Variants in OCSTAMP observed in about 807,000 individuals in gnomAD.
OCSTAMP encodes the protein osteoclast stimulatory transmembrane protein, also known as transmembrane protein C20orf123.
In OCSTAMP, 17 loss-of-function variants were observed where a neutral mutation model predicts 25.2. The observed-to-expected ratio is 0.68, with a 90% CI of 0.46 to 1.01. OCSTAMP has a LOEUF of 1.01. OCSTAMP is among the 50% of genes least tolerant of loss of function. The probability of loss-of-function intolerance (pLI) is 0.00; values close to 1 mark genes in which losing one functional copy is unlikely to be tolerated. For synonymous variants in OCSTAMP, 345 were observed against 318.9 expected (o/e 1.08, Z -0.87); for missense variants, 664 against 694.6 (o/e 0.96, Z 0.50).
chr20:46,541,132 C>T lies in OCSTAMP; in HGVS notation c.*142G>A, dbSNP rs2061831943. 1.8e-5 allele frequency: 11 copies of T among 605,798 alleles called. No individual in the cohort carries two copies. Among genetic ancestry groups the T allele is most frequent in the South Asian group, 1.0e-4 (5 of 47,620 alleles). The allele number at this position is 605,798 out of a possible 1,614,324, so 37.5% of individuals were successfully genotyped here. On this transcript the variant is annotated 3_prime_UTR_variant, in exon 3 of 3. Coordinates refer to ENST00000279028, the MANE Select transcript of OCSTAMP (RefSeq NM_080721.3). ...ATATAAATAAGTTCCAGGAGCATTT[C>T]GAGAAATTCATGATGCAAGGTCTCC...
chr20:46,543,247 T>C (rs917432767), intron 2 of OCSTAMP, among the ~76,000 whole-genome samples: 1 of 151,524 alleles, frequency 6.6e-6, no homozygotes, highest in Admixed American at 6.6e-5. Context: ...TTTCTTTCTT[T>C]CTTTCTTTCC....
rs750777938 is a variant in OCSTAMP at position 46,541,588 on chromosome 20, G to A, written c.1387C>T (p.Leu463=). Reference sequence around the variant, plus strand: ...GTGGGGACGCAAGAAGGATCCCCTAGGGGCAGCTGCTGGCCTTGGTGCCTG... The same window carrying A: ...GTGGGGACGCAAGAAGGATCCCCTAAGGGCAGCTGCTGGCCTTGGTGCCTG... ...HDRHQGQQLP[L]GDPSCVPTPR... The change falls in exon 3 of 3, where the codon CTA becomes TTA. Residue 463 remains leucine, a synonymous_variant. Coordinates refer to ENST00000279028, the MANE Select transcript of OCSTAMP (RefSeq NM_080721.3). 169 of 1,551,532 alleles carry A rather than the reference G, an allele frequency of 1.1e-4. No homozygotes were observed. The highest frequency in any genetic ancestry group is 1.4e-4 in the Non-Finnish European group (158 of 1,146,984).
At chr20:46,550,076 A>G (rs2061866029) in intron 1 of OCSTAMP, among the ~76,000 whole-genome samples, 1 of 152,160 alleles carries the variant, frequency 6.6e-6, no homozygotes, top group Non-Finnish European at 1.5e-5. Flanking sequence ...TCCCGAAGGC[A>G]TTTGAATTTG....
At chr20:46,549,313 G>A (rs2061862872) in intron 1 of OCSTAMP, among the ~76,000 whole-genome samples, 1 of 152,224 alleles carries the variant, frequency 6.6e-6, no homozygotes, top group Non-Finnish European at 1.5e-5. Context: ...TGTCAACGAT[G>A]TAAATGTTTC....
chr20:46,545,247 T>C (rs2061847309), intron 2 of OCSTAMP, 80 bp downstream of exon 2: 1 of 1,373,366 alleles, frequency 7.3e-7, no homozygotes, highest in Non-Finnish European at 9.5e-7. Context: ...TCAAATTTCA[T>C]CACAAGTCAA....
At chr20:46,548,725 C>T (rs2061860812) in intron 1 of OCSTAMP, among the ~76,000 whole-genome samples, 1 of 152,152 alleles carries the variant, frequency 6.6e-6, no homozygotes, top group Non-Finnish European at 1.5e-5. Context: ...GTGTTGGTTA[C>T]AGGCAAAGCT....
intron 1 of OCSTAMP, 121 bp downstream of exon 1, chr20:46,550,396 T>C: frequency 1.3e-6 from 1 of 776,700 alleles, no homozygotes; most frequent in Non-Finnish European, 2.1e-6. Flanking sequence ...AACTGAGGAT[T>C]TGCCTAAGGT....
At position 46,545,432 on chromosome 20, in the gene OCSTAMP, A is replaced by T; in HGVS notation, c.942T>A (p.Ala314=). Residue 314 remains alanine, a synonymous_variant, in exon 2 of 3, where the codon GCT becomes GCA. Coordinates refer to ENST00000279028, the MANE Select transcript of OCSTAMP (RefSeq NM_080721.3). ...CTACATGGTCTGTGGCCACCGCCAC[A>T]GCCGTGGCCACGAGGAGCAGGGCAA... ...GLLALLLVAT[A]VAVATDHVAF... 1 of 1,550,684 alleles carries T rather than the reference A, an allele frequency of 6.4e-7. No individual in the cohort carries two copies. The highest frequency in any genetic ancestry group is 8.7e-7 in the Non-Finnish European group (1 of 1,146,590).
chr20:46,548,778 G>A (rs1221038734), intron 1 of OCSTAMP, among the ~76,000 whole-genome samples: 1 of 152,206 alleles, frequency 6.6e-6, no homozygotes, highest in East Asian at 1.9e-4. Flanking sequence ...ATAAGCATGT[G>A]ACTGGGTCTA....
rs1404297309 is a variant in OCSTAMP, at chr20:46,545,886, G to A, written c.488C>T (p.Thr163Ile). ...TEGSLESLLN[T>I]THQLHAASRA... ...GGATGCTGCATGCAGCTGGTGAGTG[G>A]TATTGAGGAGACTCTCCAGGGAGCC... Residue 163 changes from threonine to isoleucine, a missense_variant, in exon 2 of 3, where the codon ACC becomes ATC. Transcript: ENST00000279028. The A allele has an allele frequency of 1.3e-6, 2 of 1,551,354 alleles. No homozygotes were observed. The highest frequency in any genetic ancestry group is 2.0e-5 in the Admixed American group (1 of 51,010).
intron 2 of OCSTAMP, among the ~76,000 whole-genome samples, chr20:46,544,050 A>T (rs1230621957): frequency 6.6e-6 from 1 of 152,202 alleles, no homozygotes; most frequent in East Asian, 1.9e-4. Context: ...CTCTAAAAAA[A>T]ATATTAAAAA....
In OCSTAMP at chr20:46,545,525, C is replaced by CA; in HGVS notation, c.848dup (p.Leu284AlafsTer66). 1.3e-6 allele frequency: 2 copies of CA among 1,551,286 alleles called. No homozygotes were observed. Among genetic ancestry groups the CA allele is most frequent in the South Asian group, 2.4e-5 (2 of 83,994 alleles). On this transcript the variant is annotated frameshift_variant, in exon 2 of 3. Coordinates refer to ENST00000279028, the MANE Select transcript of OCSTAMP (RefSeq NM_080721.3). LOFTEE classifies it high-confidence loss of function. ...ACAGCCTCAGCTGAGCCGCCTGGAG[C>CA]AGCCAGGTGGGTGGAGGGGCCAGGA...
intron 1 of OCSTAMP, among the ~76,000 whole-genome samples, 195 bp from the exon 2 acceptor site, chr20:46,546,524 G>A (rs926240255): frequency 3.9e-5 from 6 of 152,196 alleles, no homozygotes; most frequent in African/African-American, 1.2e-4. Flanking sequence ...GCCTTCCCCA[G>A]GATTACTCTC....
intron 2 of OCSTAMP, 80 bp downstream of exon 2, chr20:46,545,247 T>A: frequency 7.3e-7 from 1 of 1,373,364 alleles, no homozygotes; most frequent in Non-Finnish European, 9.5e-7. Context: ...TCAAATTTCA[T>A]CACAAGTCAA....
chr20:46,546,945 A>C (rs2061855170), intron 1 of OCSTAMP, among the ~76,000 whole-genome samples: 1 of 152,228 alleles, frequency 6.6e-6, no homozygotes. Flanking sequence ...AATGAAAAAA[A>C]CAGAAGTCCC....
At chr20:46,547,453 C>T (rs202397) in intron 1 of OCSTAMP, among the ~76,000 whole-genome samples, 101,568 of 151,992 alleles carry the variant, frequency 0.67, 34,238 homozygotes, top group East Asian at 0.92. Context: ...TGCCTCAAGG[C>T]GCTCCAAGGT....
chr20:46,541,692 G>C lies in OCSTAMP; in HGVS notation c.1283C>G (p.Ala428Gly). 4 of 1,549,632 alleles carry C rather than the reference G, an allele frequency of 2.6e-6. No individual in the cohort carries two copies. The highest frequency in any genetic ancestry group is 3.5e-6 in the Non-Finnish European group (4 of 1,146,866). Residue 428 changes from alanine (A) to glycine (G), a missense_variant, in exon 3 of 3, where the codon GCC (alanine) becomes GGC (glycine). Ala to Gly is a moderately conservative substitution (Grantham distance 60). Coordinates refer to ENST00000279028, the MANE Select transcript of OCSTAMP (RefSeq NM_080721.3). ...LEAYARRLRH[A>G]IAASFFTAQE... ...GGCTGTGAAGAAGGAAGCGGCGATGGCATGCCGCAGGCGGCGGGCGTAGGC... is the reference window on the plus strand; with the variant it reads ...GGCTGTGAAGAAGGAAGCGGCGATGCCATGCCGCAGGCGGCGGGCGTAGGC...
chr20:46,543,225 CCTTT>C (rs1483925451), intron 2 of OCSTAMP, among the ~76,000 whole-genome samples: 9 of 147,710 alleles, frequency 6.1e-5, no homozygotes, highest in Non-Finnish European at 8.9e-5. Context: ...TTCCTTCCTT[CCTTT>C]CTTTTTCTTT....
chr20:46,543,849 A>G (rs758392913), intron 2 of OCSTAMP, among the ~76,000 whole-genome samples: 1 of 152,190 alleles, frequency 6.6e-6, no homozygotes, highest in South Asian at 2.1e-4. Flanking sequence ...GGTGAAAATG[A>G]GTAAATCAGG....
Sources: gnomAD v4.1 joint callset for allele counts (sites outside exome capture counted in the v4.1 genomes callset) on GRCh38, gnomAD v4.1.1 for gene constraint, MANE v1.5 for transcripts, NCBI Gene and HGNC (gene_info 2026-07-23, HGNC 2026-07-21) for gene names.